Variants in TPR observed in about 807,000 individuals in gnomAD.
TPR encodes the protein translocated promoter region, nuclear basket protein.
In TPR, 51 loss-of-function variants were observed where a neutral mutation model predicts 316.1. That is an observed-to-expected ratio of 0.16 (90% CI 0.13 to 0.20). The LOEUF is 0.20. Ranked by LOEUF, TPR falls within the 10% of genes least tolerant of loss-of-function variation. The pLI is 1.00. For synonymous variants in TPR, 981 were observed against 914.7 expected (o/e 1.07, Z -1.31); for missense variants, 2,272 against 2,754.8 (o/e 0.82, Z 3.92).
Position 186,318,540 on chromosome 1 carries a change from A to G in TPR, c.6728T>C (p.Met2243Thr), listed in dbSNP as rs758578080. Residue 2243 changes from methionine to threonine, a missense_variant, in exon 48 of 51, where the codon ATG (methionine) becomes ACG (threonine). Physicochemically the swap from Met to Thr is moderately conservative, Grantham distance 81. This residue lies in a region of TPR where 88 missense variants were observed against 176.2 expected (regional missense o/e 0.50). Transcript: ENST00000367478. ...TAAAGTGCCAGTGGATGTAGTCACC[A>G]TTGGAACAGATTGAGAGGCATGTTC... The part of the protein sequence containing the change: ...ASEHASQSVP[M>T]VTTSTGTLST... 1.9e-6 allele frequency: 3 copies of G among 1,614,186 alleles called. No individual in the cohort carries two copies. The highest frequency in any genetic ancestry group is 2.5e-6 in the Non-Finnish European group (3 of 1,180,042).
At chr1:186,360,972 C>A (rs1659168103) in intron 9 of TPR, 67 bp from the exon 10 acceptor site, 1 of 1,499,818 alleles carries the variant, frequency 6.7e-7, no homozygotes, top group Non-Finnish European at 9.0e-7. Flanking sequence ...CAAAATGCAA[C>A]AGATCAGTCA....
chr1:186,335,207 T>C, intron 34 of TPR, 78 bp from the exon 35 acceptor site: 3 of 1,555,696 alleles, frequency 1.9e-6, no homozygotes, highest in Admixed American at 1.9e-5. Context: ...ATTGTCATTA[T>C]TGTTAATTCT....
In TPR at chr1:186,326,137, A is replaced by G; in HGVS notation, c.5988T>C (p.Asp1996=). 1 of 1,612,976 alleles carries G rather than the reference A, an allele frequency of 6.2e-7. No homozygotes were observed. The highest frequency in any genetic ancestry group is 8.5e-7 in the Non-Finnish European group (1 of 1,179,020). The change falls in exon 41 of 51, where the codon GAT becomes GAC. Residue 1996 remains aspartate, a synonymous_variant. Transcript: ENST00000367478. ...CATCAGCTTCATAACCATCATTGCC[A>G]TCGGCACTACCAGTTCCTTCATTAC... The part of the protein sequence containing the change: ...EDSNEGTGSA[D]GNDGYEADDA...
chr1:186,340,842 T>G (rs1000902520), intron 29 of TPR, among the ~76,000 whole-genome samples, 186 bp downstream of exon 29: 1 of 152,144 alleles, frequency 6.6e-6, no homozygotes, highest in Non-Finnish European at 1.5e-5. Flanking sequence ...ATAACCAAAA[T>G]TTTTTATAAA....
rs770541569 is a variant in TPR at position 186,332,168 on chromosome 1, A to C, written c.5604+27T>G. On this transcript the variant is annotated intron_variant, in intron 38 of 50. Coordinates refer to ENST00000367478, the MANE Select transcript of TPR (RefSeq NM_003292.3). The stretch of plus-strand genomic sequence containing the variant: ...TACCTTAACTCTACTGGTAAAAGTT[A>C]AAATACACAGAAAGAACTTTACGCA... 6.3e-6 allele frequency: 10 copies of C among 1,589,270 alleles called. No individual in the cohort carries two copies. In the South Asian group the frequency reaches 1.2e-4, roughly 19 times the overall value.
chr1:186,338,318 T>A, intron 30 of TPR, 75 bp from the exon 31 acceptor site: 1 of 1,194,712 alleles, frequency 8.4e-7, no homozygotes, highest in African/African-American at 1.5e-5. Context: ...AATGTAACTT[T>A]ATGTTATACT....
At chr1:186,353,157 G>T (rs1452048317) in intron 18 of TPR, among the ~76,000 whole-genome samples, 1 of 152,162 alleles carries the variant, frequency 6.6e-6, no homozygotes, top group Non-Finnish European at 1.5e-5. Context: ...CAAATCACGA[G>T]GTCAGTAGAT....
rs937590981 is a variant in TPR, at chr1:186,312,555, G to C, written c.*1416C>G. 2 of 804,476 alleles carry C rather than the reference G, an allele frequency of 2.5e-6. No homozygotes were observed. The highest frequency in any genetic ancestry group is 1.7e-5 in the African/African-American group (1 of 57,244). The allele number at this position is 804,476 out of a possible 1,614,324, so 49.8% of individuals were successfully genotyped here. On this transcript the variant is annotated 3_prime_UTR_variant, in exon 51 of 51. Transcript: ENST00000367478. ...AAAGACCAATACTTTCTTTTTCCTT[G>C]TGGGTAAGTAAAGCAGTTTGTTCAG...
chr1:186,374,524 G>A (rs1409369114), intron 1 of TPR, among the ~76,000 whole-genome samples: 2 of 152,118 alleles, frequency 1.3e-5, no homozygotes, highest in Admixed American at 6.5e-5. Context: ...AAATAGGGCG[G>A]AGCCACTATC....
At chr1:186,350,114 C>G in intron 21 of TPR, 109 bp downstream of exon 21, 1 of 1,091,170 alleles carries the variant, frequency 9.2e-7, no homozygotes, top group African/African-American at 1.6e-5. Context: ...GTGTTTGTTT[C>G]ATTTTACTAG....
At chr1:186,332,603 G>A (rs1261728105) in intron 37 of TPR, among the ~76,000 whole-genome samples, 1 of 152,058 alleles carries the variant, frequency 6.6e-6, no homozygotes, top group African/African-American at 2.4e-5. Context: ...AATAAAGCCA[G>A]CCAATTTTTA....
At chr1:186,318,865 A>G (rs774540912) in intron 46 of TPR, 37 bp from the exon 47 acceptor site, 2 of 1,590,884 alleles carry the variant, frequency 1.3e-6, no homozygotes, top group South Asian at 2.2e-5. Flanking sequence ...ATGACTGAAA[A>G]AAACATAAAA....
rs1349600986 is a variant in TPR, at chr1:186,361,727, A to C, written c.871-18T>G. 1 of 1,613,210 alleles carries C rather than the reference A, an allele frequency of 6.2e-7. No individual in the cohort carries two copies. Among genetic ancestry groups the C allele is most frequent in the Non-Finnish European group, 8.5e-7 (1 of 1,179,400 alleles). ...GCGGCACTCTAAAAGTTAATCTTAA[A>C]AAGTTACCTAACAGTCAACAATGCA... On this transcript the variant is annotated intron_variant, in intron 8 of 50. Transcript: ENST00000367478.
At position 186,312,511 on chromosome 1, in the gene TPR, C is replaced by A; in HGVS notation, c.*1460G>T. On this transcript the variant is annotated 3_prime_UTR_variant, in exon 51 of 51. Coordinates refer to ENST00000367478, the MANE Select transcript of TPR (RefSeq NM_003292.3). ...AGCTTACTGATGAAAAACTCATCCA[C>A]TTGCCTTAGTGAATAACCAAAGACC... 1 of 919,924 alleles carries A rather than the reference C, an allele frequency of 1.1e-6. No homozygotes were observed. Among genetic ancestry groups the A allele is most frequent in the Non-Finnish European group, 1.6e-6 (1 of 618,778 alleles). The allele number at this position is 919,924 out of a possible 1,614,324, so 57.0% of individuals were successfully genotyped here.
intron 27 of TPR, chr1:186,341,972 A>ATT (rs201336032): frequency 1.4e-5 from 2 of 145,522 alleles, no homozygotes; most frequent in Non-Finnish European, 3.0e-5. Flanking sequence ...TACTATTATA[A>ATT]TTTTTTTTTT....
In TPR at chr1:186,313,614, ATAAGT is replaced by A; in HGVS notation, c.*352_*356del. The A allele has an allele frequency of 1.1e-6, 1 of 921,492 alleles. No individual in the cohort carries two copies. Among genetic ancestry groups the A allele is most frequent in the South Asian group, 1.3e-5 (1 of 76,322 alleles). The allele number at this position is 921,492 out of a possible 1,614,324, so 57.1% of individuals were successfully genotyped here. A position where few individuals can be genotyped will look rare whatever the true frequency, so the allele number is the denominator to read the frequency against. On this transcript the variant is annotated 3_prime_UTR_variant, in exon 51 of 51. Coordinates refer to ENST00000367478, the MANE Select transcript of TPR (RefSeq NM_003292.3). ...ATTGTCTTTGAGCATAATAGTCAAC[ATAAGT>A]TATTTTTTAGTTTGGGCATTGTTTT... is the stretch of plus-strand genomic sequence containing the variant.
chr1:186,348,242 G>T (rs760127149), intron 21 of TPR, among the ~76,000 whole-genome samples: 2 of 152,070 alleles, frequency 1.3e-5, no homozygotes, highest in Non-Finnish European at 2.9e-5. Flanking sequence ...TGCGTCCCTG[G>T]GGGGAGGTCT....
chr1:186,313,705 C>T lies in TPR; in HGVS notation c.*266G>A. The T allele has an allele frequency of 6.2e-7, 1 of 1,606,512 alleles. No homozygotes were observed. The highest frequency in any genetic ancestry group is 1.1e-5 in the South Asian group (1 of 90,906). On this transcript the variant is annotated 3_prime_UTR_variant, in exon 51 of 51. Coordinates refer to ENST00000367478, the MANE Select transcript of TPR (RefSeq NM_003292.3). Reference sequence around the variant, plus strand: ...GATCAATACTATAACATTGATGTGCCTAGTAGAACAGCAAGAGCAATTACT... The same window carrying T: ...GATCAATACTATAACATTGATGTGCTTAGTAGAACAGCAAGAGCAATTACT...
At chr1:186,341,554 C>G in intron 27 of TPR, 165 bp from the exon 28 acceptor site, 1 of 614,064 alleles carries the variant, frequency 1.6e-6, no homozygotes, top group Non-Finnish European at 2.7e-6. Flanking sequence ...GTGAGGCATG[C>G]GAACTGCAGA....
Sources: allele counts gnomAD v4.1 joint callset (sites outside exome capture counted in the v4.1 genomes callset), GRCh38; gene constraint gnomAD v4.1.1; regional missense constraint gnomAD v4.1.1; transcripts MANE v1.5; gene names NCBI Gene and HGNC (gene_info 2026-07-23, HGNC 2026-07-21).